Variants in PECAM1 observed in about 807,000 individuals in gnomAD.
PECAM1 encodes platelet and endothelial cell adhesion molecule 1, also known as platelet endothelial cell adhesion molecule.
A neutral mutation model predicts 13.8 loss-of-function variants in PECAM1; 8 were observed. That is an observed-to-expected ratio of 0.58 (90% CI 0.34 to 1.05). PECAM1 has a LOEUF of 1.05. Ranked by LOEUF, PECAM1 falls within the 50% of genes least tolerant of loss-of-function variation. PECAM1 has a pLI of 0.03. For synonymous variants in PECAM1, 136 were observed against 52.6 expected, an observed-to-expected ratio of 2.58 and a Z score of -6.86; for missense variants, 304 against 141.2, an observed-to-expected ratio of 2.15 and a Z score of -5.84.
chr17:64,332,813 G>A (rs1192417240), intron 14 of PECAM1, among the ~76,000 whole-genome samples: 1 of 152,208 alleles, frequency 6.6e-6, no homozygotes, highest in African/African-American at 2.4e-5. Context: ...CAGGGTTTCT[G>A]CCTCCCTAAG....
Position 64,390,447 on chromosome 17 carries a change from G to A in PECAM1, c.91+42C>T. On this transcript the variant is annotated intron_variant, in intron 2 of 15. Coordinates refer to ENST00000563924, the MANE Select transcript of PECAM1 (RefSeq NM_000442.5). ...GGCATCACAGAAGAGAAAGGAGGAA[G>A]CCAGGTAGAAACATCTGTTACAGTG... 8.6e-6 allele frequency: 4 copies of A among 467,822 alleles called. No individual in the cohort carries two copies. The East Asian group carries it at 1.3e-4, about 15-fold the overall frequency. 29.0% of individuals were successfully genotyped at this position (467,822 alleles called of 1,614,324 possible). A position where few individuals can be genotyped will look rare whatever the true frequency, so the allele number is the denominator to read the frequency against.
intron 10 of PECAM1, 40 bp downstream of exon 10, chr17:64,353,451 G>A: frequency 2.2e-6 from 1 of 461,194 alleles, no homozygotes; most frequent in Non-Finnish European, 4.0e-6. Context: ...TGTCCACCGT[G>A]CTCACAGAGC....
At chr17:64,374,019 T>C (rs1400225763) in intron 4 of PECAM1, among the ~76,000 whole-genome samples, 5 of 152,100 alleles carry the variant, frequency 3.3e-5, no homozygotes, top group Non-Finnish European at 7.4e-5. Context: ...TTGCTGTTTG[T>C]CCAACGCAAA....
At chr17:64,334,483 G>T (rs1042391006) in intron 14 of PECAM1, among the ~76,000 whole-genome samples, 6 of 152,002 alleles carry the variant, frequency 3.9e-5, no homozygotes, top group Non-Finnish European at 8.8e-5. Flanking sequence ...CTGGCTCACT[G>T]ATCTCACAGA....
At chr17:64,342,786 C>A (rs1444553710) in intron 13 of PECAM1, among the ~76,000 whole-genome samples, 3 of 152,086 alleles carry the variant, frequency 2.0e-5, no homozygotes, top group African/African-American at 7.2e-5. Flanking sequence ...GGTATGGGCA[C>A]AGGATGTGTA....
intron 14 of PECAM1, among the ~76,000 whole-genome samples, chr17:64,339,497 G>A (rs1233773740): frequency 1.3e-5 from 2 of 151,766 alleles, no homozygotes; most frequent in East Asian, 1.9e-4. Context: ...CCAAGAAAGC[G>A]AACACTCTCA....
At chr17:64,348,143 C>G (rs1333077867) in intron 13 of PECAM1, 117 bp downstream of exon 13, 2 of 418,074 alleles carry the variant, frequency 4.8e-6, no homozygotes, top group African/African-American at 4.1e-5. Flanking sequence ...TAATCACTTC[C>G]TTTGGAGCGA....
intron 13 of PECAM1, among the ~76,000 whole-genome samples, chr17:64,347,548 T>A (rs972006542): frequency 0.029 from 3,881 of 131,870 alleles, 81 homozygotes; most frequent in Admixed American, 0.063. Context: ...AAAAAAAATA[T>A]ATATATATAT....
At chr17:64,365,616 A>T (rs1222367194) in intron 5 of PECAM1, among the ~76,000 whole-genome samples, 1 of 152,154 alleles carries the variant, frequency 6.6e-6, no homozygotes, top group Non-Finnish European at 1.5e-5. Flanking sequence ...TACTGGTACC[A>T]AAACAGAGAT....
chr17:64,337,056 C>T (rs1359194712), intron 14 of PECAM1, among the ~76,000 whole-genome samples: 1 of 152,136 alleles, frequency 6.6e-6, no homozygotes, highest in Non-Finnish European at 1.5e-5. Context: ...CCTGCAGGCT[C>T]CTCTCCTCAA....
At chr17:64,333,972 A>T (rs2035199277) in intron 14 of PECAM1, among the ~76,000 whole-genome samples, 1 of 142,626 alleles carries the variant, frequency 7.0e-6, no homozygotes, top group Admixed American at 7.1e-5. Flanking sequence ...AAAAGGTGGA[A>T]AAAAAGCATA....
At chr17:64,336,010 T>C (rs1489157025) in intron 14 of PECAM1, among the ~76,000 whole-genome samples, 1 of 152,104 alleles carries the variant, frequency 6.6e-6, no homozygotes, top group African/African-American at 2.4e-5. Flanking sequence ...ACACCTGTTA[T>C]CCCAGCACTT....
intron 14 of PECAM1, among the ~76,000 whole-genome samples, chr17:64,330,551 G>A (rs182528226): frequency 4.2e-4 from 63 of 151,248 alleles, no homozygotes; most frequent in African/African-American, 1.4e-3. Context: ...CGGGAGAATC[G>A]CTTGAACCTA....
intron 2 of PECAM1, among the ~76,000 whole-genome samples, chr17:64,388,780 C>A (rs2036655265): frequency 6.6e-6 from 1 of 152,170 alleles, no homozygotes; most frequent in Admixed American, 6.5e-5. Flanking sequence ...AATTCTCATG[C>A]CCCTGCCTCC....
At chr17:64,349,755 G>T (rs1005223444) in intron 12 of PECAM1, among the ~76,000 whole-genome samples, 1 of 151,542 alleles carries the variant, frequency 6.6e-6, no homozygotes, top group Non-Finnish European at 1.5e-5. Context: ...CGTGGTGGCA[G>T]GCGCCTGTAG....
chr17:64,379,116 C>T (rs962298325), intron 2 of PECAM1: 25 of 152,326 alleles, frequency 1.6e-4, no homozygotes, highest in African/African-American at 6.0e-4. Flanking sequence ...TACAGATTCC[C>T]CTCTGCCAAC....
chr17:64,334,449 G>C (rs898955427), intron 14 of PECAM1, among the ~76,000 whole-genome samples: 1 of 152,098 alleles, frequency 6.6e-6, no homozygotes, highest in African/African-American at 2.4e-5. Context: ...GGAAAGGTCA[G>C]CAAAGACTCC....
intron 2 of PECAM1, among the ~76,000 whole-genome samples, chr17:64,389,552 A>C (rs1013784789): frequency 7.0e-4 from 107 of 152,372 alleles, no homozygotes; most frequent in African/African-American, 2.5e-3. Context: ...GAGTAAAAAA[A>C]GTAGCAACAA....
intron 14 of PECAM1, among the ~76,000 whole-genome samples, chr17:64,333,400 C>T (rs2035180558): frequency 1.3e-5 from 2 of 152,176 alleles, no homozygotes; most frequent in South Asian, 4.2e-4. Context: ...GAGGTGAATT[C>T]CTCTGGCCAG....
Sources: allele counts gnomAD v4.1 joint callset (sites outside exome capture counted in the v4.1 genomes callset), GRCh38; gene constraint gnomAD v4.1.1; transcripts MANE v1.5; gene names NCBI Gene and HGNC (gene_info 2026-07-23, HGNC 2026-07-21).